Variants in ZCCHC2 observed in about 807,000 individuals in gnomAD.
ZCCHC2 encodes zinc finger CCHC-type containing 2.
ZCCHC2 carries 39 observed loss-of-function variants against 103.6 expected under a neutral mutation model. The observed-to-expected ratio is 0.38, with a 90% CI of 0.29 to 0.49. The LOEUF (loss-of-function observed/expected upper bound fraction) is 0.49, where lower values mean the gene tolerates loss of function less well. Among genes scored for constraint, ZCCHC2 ranks in the 20% least tolerant of loss-of-function variants. The probability of loss-of-function intolerance (pLI) is 0.96; values close to 1 mark genes in which losing one functional copy is unlikely to be tolerated. For missense variants in ZCCHC2, 1,483 were observed against 1,491.0 expected (o/e 0.99, Z 0.09); for synonymous variants, 687 against 608.9 (o/e 1.13, Z -1.89).
intron 3 of ZCCHC2, among the ~76,000 whole-genome samples, chr18:62,543,867 C>T (rs1568544087): frequency 6.6e-6 from 1 of 151,970 alleles, no homozygotes; most frequent in Non-Finnish European, 1.5e-5. Context: ...ATCCCTGACA[C>T]AAGAGTCAGA....
chr18:62,539,873 CT>C, intron 2 of ZCCHC2, 81 bp downstream of exon 2: 1 of 1,121,988 alleles, frequency 8.9e-7, no homozygotes, highest in Non-Finnish European at 1.3e-6. Context: ...TAACTCTAAA[CT>C]TTTTACTCTC....
intron 1 of ZCCHC2, among the ~76,000 whole-genome samples, chr18:62,528,190 C>T (rs184829934): frequency 1.3e-5 from 2 of 152,308 alleles, no homozygotes; most frequent in Admixed American, 1.3e-4. Flanking sequence ...ACAAAATTAT[C>T]CTATGTCTTT....
exon 15 of ZCCHC2, chr18:62,586,210 G>A (rs990246048): frequency 1.3e-5 from 2 of 150,840 alleles, no homozygotes; most frequent in African/African-American, 4.9e-5. Flanking sequence ...TCTGTGAATT[G>A]AAGCCTACTT....
exon 15 of ZCCHC2, chr18:62,584,520 C>T (rs1482275513): frequency 6.6e-6 from 1 of 152,210 alleles, no homozygotes; most frequent in African/African-American, 2.4e-5. Flanking sequence ...GAACGCAATG[C>T]CACCTGGTGG....
At chr18:62,586,259 C>T (rs992789490) in exon 15 of ZCCHC2, 6 of 152,192 alleles carry the variant, frequency 3.9e-5, no homozygotes, top group Non-Finnish European at 7.4e-5. Flanking sequence ...CAGTTCTTTA[C>T]GCTTTCTGAT....
intron 1 of ZCCHC2, among the ~76,000 whole-genome samples, chr18:62,533,151 C>T (rs1914766815): frequency 6.6e-6 from 1 of 152,148 alleles, no homozygotes; most frequent in Non-Finnish European, 1.5e-5. Flanking sequence ...GGCATTGTGC[C>T]TCATTTTTTT....
downstream of ZCCHC2, among the ~76,000 whole-genome samples, chr18:62,579,608 C>T (rs994642759): frequency 4.1e-4 from 63 of 152,324 alleles, no homozygotes; most frequent in African/African-American, 1.5e-3. Context: ...CTATAGGTAA[C>T]GTGTAAATCA....
downstream of ZCCHC2, among the ~76,000 whole-genome samples, chr18:62,578,943 T>C (rs1160877269): frequency 6.6e-6 from 1 of 152,198 alleles, no homozygotes; most frequent in Non-Finnish European, 1.5e-5. Context: ...AATTTTTGTA[T>C]TTTTAGTAGA....
At chr18:62,556,892 G>C (rs1915907558) in intron 6 of ZCCHC2, among the ~76,000 whole-genome samples, 1 of 152,140 alleles carries the variant, frequency 6.6e-6, no homozygotes, top group East Asian at 1.9e-4. Context: ...ATTATCACAA[G>C]GATAAATGTG....
chr18:62,571,405 A>G (rs945448038), intron 12 of ZCCHC2, among the ~76,000 whole-genome samples: 3 of 152,186 alleles, frequency 2.0e-5, no homozygotes, highest in South Asian at 2.1e-4. Flanking sequence ...ACAAGGGGAA[A>G]ATGCCTTGAG....
chr18:62,573,054 C>T (rs1259273542), intron 12 of ZCCHC2, among the ~76,000 whole-genome samples: 1 of 152,136 alleles, frequency 6.6e-6, no homozygotes, highest in African/African-American at 2.4e-5. Context: ...AATCTTTCTT[C>T]AGGAAGACGA....
chr18:62,544,092 A>G (rs185181543), intron 3 of ZCCHC2, among the ~76,000 whole-genome samples: 5 of 152,312 alleles, frequency 3.3e-5, no homozygotes, highest in Admixed American at 1.3e-4. Flanking sequence ...AGCTCAAATA[A>G]TTATAGGGTA....
At chr18:62,560,675 C>T in intron 8 of ZCCHC2, 31 bp downstream of exon 8, 1 of 1,563,480 alleles carries the variant, frequency 6.4e-7, no homozygotes, top group Non-Finnish European at 8.8e-7. Context: ...ACAAAAAGTG[C>T]TTTGGTATGT....
intron 11 of ZCCHC2, 114 bp downstream of exon 11, chr18:62,565,210 C>T: frequency 1.3e-6 from 1 of 770,332 alleles, no homozygotes; most frequent in Non-Finnish European, 2.1e-6. Context: ...ATAAGTTTAC[C>T]TTGTGTTGAT....
chr18:62,543,055 CTT>C (rs1236020298), intron 3 of ZCCHC2, among the ~76,000 whole-genome samples: 1 of 152,156 alleles, frequency 6.6e-6, no homozygotes, highest in African/African-American at 2.4e-5. Context: ...CAGGTGAAGA[CTT>C]TGCATGTCTT....
chr18:62,546,525 C>G (rs1228811119), intron 4 of ZCCHC2, among the ~76,000 whole-genome samples: 2 of 152,176 alleles, frequency 1.3e-5, no homozygotes, highest in East Asian at 3.8e-4. Context: ...CTTCCCACAA[C>G]AGAATTGTGG....
intron 5 of ZCCHC2, among the ~76,000 whole-genome samples, chr18:62,555,155 T>G (rs1286389103): frequency 6.6e-6 from 1 of 152,208 alleles, no homozygotes; most frequent in Non-Finnish European, 1.5e-5. Flanking sequence ...CTGGCTTGTT[T>G]AGGGTGCTTC....
At chr18:62,547,751 G>A (rs1432324796) in intron 4 of ZCCHC2, among the ~76,000 whole-genome samples, 2 of 151,970 alleles carry the variant, frequency 1.3e-5, no homozygotes, top group Admixed American at 6.6e-5. Flanking sequence ...CAGTAGAGAT[G>A]GAGTTTTGCC....
rs772203424 is a variant in ZCCHC2, at chr18:62,570,191, T to C, written c.1935T>C (p.Asp645=). The change falls in exon 12 of 14, where the codon GAT becomes GAC. Residue 645 remains aspartate, a synonymous_variant. Coordinates refer to ENST00000269499, the MANE Select transcript of ZCCHC2 (RefSeq NM_017742.6). ...GTTCTCCATCTAGTCCCCGACATGA[T>C]GGAAGAGAAAGTTTTGAAAGTGAAG... is the stretch of plus-strand genomic sequence containing the variant. ...SYSSPSSPRH[D]GRESFESEEE... is the part of the protein sequence containing the mutation. 1.2e-6 allele frequency: 2 copies of C among 1,611,742 alleles called. No individual in the cohort carries two copies. Among genetic ancestry groups the C allele is most frequent in the Admixed American group, 1.7e-5 (1 of 59,786 alleles).
Sources: allele counts gnomAD v4.1 joint callset (sites outside exome capture counted in the v4.1 genomes callset), GRCh38; gene constraint gnomAD v4.1.1; transcripts MANE v1.5; gene names NCBI Gene and HGNC (gene_info 2026-07-23, HGNC 2026-07-21).